Variants in PPP1R1C observed in about 807,000 individuals in gnomAD.
PPP1R1C encodes protein phosphatase 1 regulatory subunit 1C.
PPP1R1C carries 15 observed loss-of-function variants against 17.4 expected under a neutral mutation model. The ratio of observed to expected loss-of-function variants is 0.86; its 90% confidence interval spans 0.58 to 1.33. The LOEUF is 1.33. Ranked by LOEUF, PPP1R1C falls within the 40% of genes most tolerant of loss-of-function variation. The pLI is 0.00. For missense variants in PPP1R1C, 143 were observed against 130.0 expected (o/e 1.10, Z -0.48); for synonymous variants, 35 against 43.1 (o/e 0.81, Z 0.73).
chr2:182,109,526 A>G (rs1237977461), intron 4 of PPP1R1C, among the ~76,000 whole-genome samples: 3 of 152,168 alleles, frequency 2.0e-5, no homozygotes, highest in Non-Finnish European at 4.4e-5. Context: ...TGAAGAGTGT[A>G]GTGTCTGAAT....
intron 4 of PPP1R1C, among the ~76,000 whole-genome samples, chr2:182,096,032 A>G (rs564508602): frequency 9.2e-5 from 14 of 152,182 alleles, no homozygotes; most frequent in Non-Finnish European, 1.9e-4. Context: ...TACCCCATAA[A>G]GAAAGACAGA....
At chr2:182,052,743 T>A (rs1432393580) in intron 2 of PPP1R1C, among the ~76,000 whole-genome samples, 1 of 152,230 alleles carries the variant, frequency 6.6e-6, no homozygotes, top group Non-Finnish European at 1.5e-5. Flanking sequence ...GTATTTGTGT[T>A]TTAACCTTTT....
intron 2 of PPP1R1C, among the ~76,000 whole-genome samples, chr2:182,049,063 A>C (rs1471574210): frequency 6.6e-6 from 1 of 152,082 alleles, no homozygotes; most frequent in Non-Finnish European, 1.5e-5. Context: ...CCAGGCATGG[A>C]GGCTCACGCC....
chr2:182,074,045 T>C (rs779272957), intron 4 of PPP1R1C, among the ~76,000 whole-genome samples: 1 of 149,546 alleles, frequency 6.7e-6, no homozygotes, highest in Non-Finnish European at 1.5e-5. Context: ...CTTCTTCTTT[T>C]TTTTTTTTTT....
chr2:181,991,366 A>C (rs1275376408), intron 2 of PPP1R1C, among the ~76,000 whole-genome samples: 2 of 152,044 alleles, frequency 1.3e-5, no homozygotes, highest in Non-Finnish European at 2.9e-5. Context: ...ATAACCTAGA[A>C]CTCTCAGCAG....
At chr2:182,057,456 T>C (rs1687720379) in intron 2 of PPP1R1C, among the ~76,000 whole-genome samples, 1 of 152,116 alleles carries the variant, frequency 6.6e-6, no homozygotes, top group African/African-American at 2.4e-5. Flanking sequence ...TTTCTGGATA[T>C]GGGGAATAAA....
chr2:182,068,089 A>C (rs781055014), intron 4 of PPP1R1C, among the ~76,000 whole-genome samples: 33 of 152,102 alleles, frequency 2.2e-4, no homozygotes, highest in Middle Eastern at 3.2e-3. Context: ...ATATAACATG[A>C]ACTCCTCCTT....
At chr2:181,968,786 C>A (rs1393994322) in intron 1 of PPP1R1C, among the ~76,000 whole-genome samples, 2 of 151,806 alleles carry the variant, frequency 1.3e-5, no homozygotes, top group Non-Finnish European at 2.9e-5. Context: ...TTACTTCTTT[C>A]CTTTTAGTGA....
At chr2:182,103,536 A>G (rs1329248611) in intron 4 of PPP1R1C, 1 of 152,230 alleles carries the variant, frequency 6.6e-6, no homozygotes, top group Non-Finnish European at 1.5e-5. Context: ...CAGCAAATGA[A>G]AGAAGAAAGT....
intron 5 of PPP1R1C, among the ~76,000 whole-genome samples, chr2:182,126,900 TTGA>T (rs1167369575): frequency 2.0e-5 from 3 of 152,096 alleles, no homozygotes; most frequent in Non-Finnish European, 2.9e-5. Context: ...GGAAAAATTC[TTGA>T]TGAAGTAAAT....
chr2:182,124,339 G>GTTTTTTTTTTTTTTTTTTTTTTTTT (rs1378403544), intron 5 of PPP1R1C, among the ~76,000 whole-genome samples: 5 of 52,158 alleles, frequency 9.6e-5, no homozygotes, highest in Admixed American at 2.3e-4. Flanking sequence ...TTTTTTTTTT[G>GTTTTTTTTTTTTTTTTTTTTTTTTT]TTTTTTTTTT....
rs138764647 is a variant in PPP1R1C, at chr2:182,126,265, T to G, written c.*7-2709T>G. On this transcript the variant is annotated intron_variant, in intron 5 of 5. Coordinates refer to the PPP1R1C transcript ENST00000280295. Reference sequence around the variant, plus strand: ...AAAAGCATGTCTACTTATGTTAAAGTGTCTATATACATATACAATTTTTAA... The same window carrying G: ...AAAAGCATGTCTACTTATGTTAAAGGGTCTATATACATATACAATTTTTAA... Among the ~76,000 whole-genome samples, 21 of 152,222 alleles carry G rather than the reference T, an allele frequency of 1.4e-4. No homozygotes were observed. The East Asian group carries it at 4.0e-3, about 29-fold the overall frequency.
At chr2:182,127,781 A>T (rs970857398) in intron 5 of PPP1R1C, among the ~76,000 whole-genome samples, 1 of 152,064 alleles carries the variant, frequency 6.6e-6, no homozygotes, top group African/African-American at 2.4e-5. Flanking sequence ...CTCATAGTGA[A>T]AGTCAGCATA....
At position 181,987,896 on chromosome 2, in the gene PPP1R1C, C is replaced by G; in HGVS notation, c.139C>G (p.Pro47Ala). 1.2e-6 allele frequency: 2 copies of G among 1,612,010 alleles called. No homozygotes were observed. Among genetic ancestry groups the G allele is most frequent in the Non-Finnish European group, 8.5e-7 (1 of 1,178,572 alleles). The change falls in exon 2 of 5, where the codon CCA becomes GCA. Residue 47 changes from proline to alanine, a missense_variant. By Grantham distance (27) the Pro-to-Ala change is conservative. Coordinates refer to ENST00000682840, the MANE Select transcript of PPP1R1C (RefSeq NM_001080545.3). ...TGTGATTCTCAATGAGCATAACCCC[C>G]CAGGTAAAGAAGCATGATGTGTTTC... Reference protein sequence around the residue: ...SLVILNEHNPPEIDDKRGPNT... With the variant: ...SLVILNEHNPAEIDDKRGPNT...
chr2:182,070,440 TA>T, intron 4 of PPP1R1C, among the ~76,000 whole-genome samples: 1 of 152,348 alleles, frequency 6.6e-6, no homozygotes, highest in East Asian at 1.9e-4. Flanking sequence ...GATTCCAATT[TA>T]AAATTTCTGC....
chr2:182,030,531 C>T (rs1574393529), intron 2 of PPP1R1C, among the ~76,000 whole-genome samples: 1 of 150,310 alleles, frequency 6.7e-6, no homozygotes, highest in East Asian at 2.0e-4. Context: ...GCTCGGGGGT[C>T]AGGGGTCAGG....
intron 4 of PPP1R1C, among the ~76,000 whole-genome samples, chr2:182,107,657 G>A (rs111571761): frequency 4.6e-5 from 7 of 152,166 alleles, no homozygotes; most frequent in Non-Finnish European, 7.4e-5. Context: ...AGTACTTTCT[G>A]ACAGGCACAC....
intron 4 of PPP1R1C, among the ~76,000 whole-genome samples, chr2:182,076,373 T>G (rs547498414): frequency 6.6e-6 from 1 of 151,004 alleles, no homozygotes; most frequent in Non-Finnish European, 1.5e-5. Context: ...TTTTTTTTTT[T>G]GTATGAACTT....
chr2:182,051,136 C>T (rs1237130757), intron 2 of PPP1R1C, among the ~76,000 whole-genome samples: 1 of 152,170 alleles, frequency 6.6e-6, no homozygotes, highest in Non-Finnish European at 1.5e-5. Context: ...ACTAACTCAA[C>T]AGAAGAGTAA....
Sources: allele counts gnomAD v4.1 joint callset (sites outside exome capture counted in the v4.1 genomes callset), GRCh38; gene constraint gnomAD v4.1.1; transcripts MANE v1.5; gene names NCBI Gene and HGNC (gene_info 2026-07-23, HGNC 2026-07-21).